CHST11: variants seen among roughly 807,000 people sequenced by gnomAD.
The protein encoded by CHST11 is carbohydrate sulfotransferase 11.
In CHST11, 9 loss-of-function variants were observed where a neutral mutation model predicts 30.4. The ratio of observed to expected loss-of-function variants is 0.30; its 90% CI spans 0.18 to 0.52. The LOEUF (loss-of-function observed/expected upper bound fraction) is 0.52, where lower values mean the gene tolerates loss of function less well. Among genes scored for constraint, CHST11 ranks in the 20% least tolerant of loss-of-function variants. CHST11 has a pLI of 0.97. For missense variants in CHST11, 348 were observed against 460.6 expected, an observed-to-expected ratio of 0.76 and a Z score of 2.24; for synonymous variants, 152 against 187.8, an observed-to-expected ratio of 0.81 and a Z score of 1.56.
rs986636722 is a variant in CHST11, at chr12:104,638,312, A to G, written c.204+36321A>G. On this transcript the variant is annotated intron_variant, in intron 2 of 2. Coordinates refer to ENST00000303694, the MANE Select transcript of CHST11 (RefSeq NM_018413.6). ...TTTCATTTTGTATATGTGTGAACAG[A>G]TGTGTGTGTGTGTGTGTGTGAAGTT... 2.0e-5 allele frequency among the ~76,000 whole-genome samples: 3 copies of G among 150,960 alleles called. No individual in the cohort carries two copies. In the East Asian group the frequency reaches 5.8e-4, roughly 29 times the overall value.
intron 2 of CHST11, among the ~76,000 whole-genome samples, chr12:104,609,825 G>T (rs1437338874): frequency 6.6e-6 from 1 of 152,168 alleles, no homozygotes; most frequent in African/African-American, 2.4e-5. Context: ...TTAGGGGTCT[G>T]GGCCCTTGCT....
chr12:104,656,207 A>C (rs1279332226), intron 2 of CHST11, among the ~76,000 whole-genome samples: 1 of 152,246 alleles, frequency 6.6e-6, no homozygotes, highest in African/African-American at 2.4e-5. Flanking sequence ...TGAGGAACAG[A>C]GGGAAGACCA....
At chr12:104,672,907 G>A (rs2039708985) in intron 2 of CHST11, among the ~76,000 whole-genome samples, 1 of 152,158 alleles carries the variant, frequency 6.6e-6, no homozygotes, top group African/African-American at 2.4e-5. Flanking sequence ...CATTTCTGAG[G>A]CTGCCATAAT....
chr12:104,488,548 CGTGTATGTGTGTGTATGCGT>C (rs1250934166), intron 1 of CHST11, among the ~76,000 whole-genome samples: 5 of 121,204 alleles, frequency 4.1e-5, no homozygotes, highest in Non-Finnish European at 7.0e-5. Flanking sequence ...TGTATGTGTG[CGTGTATGTGTGTGTATGCGT>C]GTGTATGTGT....
At chr12:104,555,527 A>G (rs1202176705) in intron 1 of CHST11, among the ~76,000 whole-genome samples, 1 of 152,180 alleles carries the variant, frequency 6.6e-6, no homozygotes, top group African/African-American at 2.4e-5. Context: ...TATAGAAGAC[A>G]CTGTTCTGTG....
chr12:104,514,067 G>A, intron 1 of CHST11: 1 of 1,054,140 alleles, frequency 9.5e-7, no homozygotes, highest in Non-Finnish European at 1.5e-6. Flanking sequence ...CTCTAGCTCT[G>A]GTTTACTGTG....
chr12:104,516,070 A>T (rs939464653), intron 1 of CHST11, among the ~76,000 whole-genome samples: 2 of 152,254 alleles, frequency 1.3e-5, no homozygotes, highest in Non-Finnish European at 1.5e-5. Context: ...TTCCAGGCAG[A>T]TAAGAGTTGA....
At chr12:104,582,747 G>A (rs753030174) in intron 1 of CHST11, among the ~76,000 whole-genome samples, 17 of 151,916 alleles carry the variant, frequency 1.1e-4, no homozygotes, top group Non-Finnish European at 2.1e-4. Flanking sequence ...ATCTCGGGAT[G>A]GTAGTGAGGA....
In CHST11 at chr12:104,642,268, A is replaced by G. The variant is rs1479305039; in HGVS notation, c.204+40277A>G. On this transcript the variant is annotated intron_variant, in intron 2 of 2. Transcript: ENST00000303694. ...TTTAGAATGGCAGTATGGGAGTATGATCTCTAATATGAAAAAAAATGCTCA... is the reference window on the plus strand; with the variant it reads ...TTTAGAATGGCAGTATGGGAGTATGGTCTCTAATATGAAAAAAAATGCTCA... 2.0e-5 allele frequency among the ~76,000 whole-genome samples: 3 copies of G among 152,168 alleles called. No homozygotes were observed. In the East Asian group the frequency reaches 5.8e-4, roughly 29 times the overall value.
At chr12:104,527,157 G>A (rs2038134351) in intron 1 of CHST11, among the ~76,000 whole-genome samples, 1 of 152,208 alleles carries the variant, frequency 6.6e-6, no homozygotes, top group African/African-American at 2.4e-5. Flanking sequence ...GGTGATTAAG[G>A]TAAAATGGGG....
chr12:104,696,324 A>G (rs770702707), intron 2 of CHST11, among the ~76,000 whole-genome samples: 1 of 151,950 alleles, frequency 6.6e-6, no homozygotes, highest in Non-Finnish European at 1.5e-5. Flanking sequence ...TCTTTTATAG[A>G]TCTGCCTATA....
At chr12:104,702,748 G>T (rs2040000049) in intron 2 of CHST11, among the ~76,000 whole-genome samples, 1 of 152,220 alleles carries the variant, frequency 6.6e-6, no homozygotes, top group Non-Finnish European at 1.5e-5. Context: ...TGAACATTAA[G>T]TTATCCCCTG....
At chr12:104,513,033 A>G (rs143053663) in intron 1 of CHST11, among the ~76,000 whole-genome samples, 3,478 of 150,674 alleles carry the variant, frequency 0.023, 67 homozygotes, top group South Asian at 0.083. Flanking sequence ...TTGTATGGCC[A>G]TTTCCCTCCT....
At chr12:104,551,035 A>G (rs1010976591) in intron 1 of CHST11, among the ~76,000 whole-genome samples, 1 of 152,070 alleles carries the variant, frequency 6.6e-6, no homozygotes, top group Admixed American at 6.5e-5. Flanking sequence ...CTTGAGACAC[A>G]CTACAGCTTA....
At chr12:104,724,884 T>C (rs1163256059) in intron 2 of CHST11, among the ~76,000 whole-genome samples, 4 of 152,176 alleles carry the variant, frequency 2.6e-5, no homozygotes, top group Non-Finnish European at 5.9e-5. Context: ...TATAGGGACA[T>C]ACTCATACTA....
At chr12:104,697,654 G>A (rs1167713250) in intron 2 of CHST11, among the ~76,000 whole-genome samples, 1 of 152,046 alleles carries the variant, frequency 6.6e-6, no homozygotes, top group Non-Finnish European at 1.5e-5. Flanking sequence ...CTAACACACA[G>A]ATGTTTTGTA....
chr12:104,713,745 C>G (rs2040106657), intron 2 of CHST11, among the ~76,000 whole-genome samples: 2 of 152,160 alleles, frequency 1.3e-5, no homozygotes, highest in African/African-American at 4.8e-5. Flanking sequence ...TCCTCATTAC[C>G]CCATGATGCT....
intron 1 of CHST11, among the ~76,000 whole-genome samples, chr12:104,572,537 A>G (rs2038638739): frequency 6.6e-6 from 1 of 152,096 alleles, no homozygotes; most frequent in East Asian, 1.9e-4. Context: ...GATAGTGTGT[A>G]TTTCTGTGGG....
chr12:104,482,353 C>G (rs910932960), intron 1 of CHST11, among the ~76,000 whole-genome samples: 7 of 149,652 alleles, frequency 4.7e-5, no homozygotes, highest in East Asian at 3.9e-4. Context: ...AGCCCCCCCC[C>G]GCAAAAATGA....
Sources: allele counts gnomAD v4.1 joint callset (sites outside exome capture counted in the v4.1 genomes callset), GRCh38; gene constraint gnomAD v4.1.1; transcripts MANE v1.5; gene names NCBI Gene and HGNC (gene_info 2026-07-23, HGNC 2026-07-21).